CD82: variants seen among roughly 807,000 people sequenced by gnomAD.
The protein encoded by CD82 is CD82 molecule.
CD82 carries 36 observed loss-of-function variants against 37.4 expected under a neutral mutation model. The ratio of observed to expected loss-of-function variants is 0.96; its 90% CI spans 0.74 to 1.27. The LOEUF (loss-of-function observed/expected upper bound fraction) is 1.27. CD82 is among the 50% of genes most tolerant of loss of function. The probability of loss-of-function intolerance (pLI) is 0.00; values close to 1 mark genes in which losing one functional copy is unlikely to be tolerated. For missense variants in CD82, 340 were observed against 347.0 expected (o/e 0.98, Z 0.16); for synonymous variants, 158 against 137.4 (o/e 1.15, Z -1.05).
At chr11:44,589,241 G>A (rs6485547) in intron 2 of CD82, among the ~76,000 whole-genome samples, 112,919 of 152,154 alleles carry the variant, frequency 0.74, 42,287 homozygotes, top group East Asian at 0.92. Flanking sequence ...GGGTGACAGA[G>A]CAAGAGCAAG....
At chr11:44,569,846 C>G (rs764703115) in intron 1 of CD82, among the ~76,000 whole-genome samples, 3 of 152,164 alleles carry the variant, frequency 2.0e-5, no homozygotes, top group Admixed American at 1.3e-4. Context: ...CTACGTGACT[C>G]TTTCTGAGCC....
At chr11:44,588,019 G>C in intron 2 of CD82, 1 of 217,422 alleles carries the variant, frequency 4.6e-6, no homozygotes, top group Non-Finnish European at 9.5e-6. Context: ...TTTGTTGGGA[G>C]TCTGCCTTGT....
chr11:44,615,752 G>C (rs1853555341), intron 7 of CD82, among the ~76,000 whole-genome samples: 1 of 152,238 alleles, frequency 6.6e-6, no homozygotes, highest in Non-Finnish European at 1.5e-5. Flanking sequence ...AAGGGCACTA[G>C]CTGGGGAGGT....
intron 6 of CD82, among the ~76,000 whole-genome samples, chr11:44,611,098 G>A (rs1853474340): frequency 6.6e-6 from 1 of 152,204 alleles, no homozygotes; most frequent in Admixed American, 6.5e-5. Context: ...GCCTCCCAAA[G>A]TGTTGGGATT....
intron 2 of CD82, among the ~76,000 whole-genome samples, chr11:44,593,848 G>T (rs1451712039): frequency 1.3e-5 from 2 of 152,030 alleles, no homozygotes; most frequent in Non-Finnish European, 2.9e-5. Flanking sequence ...ATGTTAATAA[G>T]TACTAATAGG....
At chr11:44,606,733 C>A (rs1401261297) in intron 6 of CD82, 1 of 152,252 alleles carries the variant, frequency 6.6e-6, no homozygotes, top group Non-Finnish European at 1.5e-5. Flanking sequence ...AATGGCTCTG[C>A]AGGGTTTTAT....
At chr11:44,617,170 A>G (rs1853576248) in intron 7 of CD82, among the ~76,000 whole-genome samples, 1 of 152,156 alleles carries the variant, frequency 6.6e-6, no homozygotes, top group South Asian at 2.1e-4. Context: ...AACCCCCAGC[A>G]TTGCGGGGAT....
intron 1 of CD82, among the ~76,000 whole-genome samples, chr11:44,581,449 A>G (rs1852977754): frequency 6.6e-6 from 1 of 152,198 alleles, no homozygotes; most frequent in South Asian, 2.1e-4. Flanking sequence ...TCATGCAAAC[A>G]TGTTTGCGTT....
At chr11:44,591,923 G>T (rs566618624) in intron 2 of CD82, among the ~76,000 whole-genome samples, 1 of 152,052 alleles carries the variant, frequency 6.6e-6, no homozygotes, top group Non-Finnish European at 1.5e-5. Flanking sequence ...GGGTTCAAGC[G>T]ATTCTTGTGC....
rs933642553 is a variant in CD82, at chr11:44,597,195, C to G, written c.63+2470C>G. Among the ~76,000 whole-genome samples the G allele has an allele frequency of 6.6e-6, 1 of 152,224 alleles. No individual in the cohort carries two copies. The highest frequency in any genetic ancestry group is 1.5e-5 in the Non-Finnish European group (1 of 68,036). The stretch of plus-strand genomic sequence containing the variant: ...CCTGCGTGCATGTGCACCTGTATGT[C>G]TTTGCCTGTACTCCCTCTGGACTCC... On this transcript the variant is annotated intron_variant, in intron 3 of 9. Coordinates refer to ENST00000227155, the MANE Select transcript of CD82 (RefSeq NM_002231.4). This position sits in a 1 kb window ranked among gnomAD's most constrained non-coding sequence, Gnocchi z 4.1.
chr11:44,582,966 C>T (rs1401049724), intron 1 of CD82, among the ~76,000 whole-genome samples: 1 of 152,262 alleles, frequency 6.6e-6, no homozygotes, highest in East Asian at 1.9e-4. Flanking sequence ...AATCCCCTCC[C>T]TATCCCCCAA....
chr11:44,605,179 G>C lies in CD82; in HGVS notation c.258G>C (p.Gly86=), dbSNP rs35348953. The C allele has an allele frequency of 1.2e-6, 2 of 1,613,922 alleles. No individual in the cohort carries two copies. The highest frequency in any genetic ancestry group is 1.7e-6 in the Non-Finnish European group (2 of 1,179,964). Residue 86 remains glycine, a synonymous_variant, in exon 5 of 10, where the codon GGG becomes GGC. Transcript: ENST00000227155. The stretch of plus-strand genomic sequence containing the variant: ...TCAACGAGGTCCGCTGCCTGCTGGG[G>C]CTGGTGAGTACGGATCCCTCCGCAG... ...GAVNEVRCLL[G]LYFAFLLLIL... is the part of the protein sequence containing the mutation.
chr11:44,591,371 C>T (rs1398041997), intron 2 of CD82, among the ~76,000 whole-genome samples: 3 of 152,170 alleles, frequency 2.0e-5, no homozygotes, highest in East Asian at 1.9e-4. Flanking sequence ...AATCTGTGTG[C>T]GTGACCAAGG....
chr11:44,590,483 C>A (rs942780405), intron 2 of CD82, among the ~76,000 whole-genome samples: 2 of 151,068 alleles, frequency 1.3e-5, no homozygotes, highest in Non-Finnish European at 3.0e-5. Flanking sequence ...TGGTGGCGGG[C>A]GCCTGTAGTC....
At position 44,618,737 on chromosome 11, in the gene CD82, C is replaced by A; in HGVS notation, c.726+14C>A. The A allele has an allele frequency of 1.9e-6, 3 of 1,603,202 alleles. No homozygotes were observed. Among genetic ancestry groups the A allele is most frequent in the South Asian group, 1.1e-5 (1 of 90,706 alleles). On this transcript the variant is annotated intron_variant, in intron 9 of 9. Transcript: ENST00000227155. ...GCCATCATCGAGGTCTGAGCCCCCT[C>A]CCCCATCCCTTCTCCATCCCAGGTC... is the stretch of plus-strand genomic sequence containing the variant.
chr11:44,576,956 C>T (rs922613511), intron 1 of CD82, among the ~76,000 whole-genome samples: 8 of 152,150 alleles, frequency 5.3e-5, no homozygotes, highest in Non-Finnish European at 1.2e-4. Context: ...AGCCCAGCCC[C>T]TAAGACGGGA....
At chr11:44,600,404 G>A (rs1246097380) in intron 4 of CD82, among the ~76,000 whole-genome samples, 174 bp downstream of exon 4, 1 of 152,218 alleles carries the variant, frequency 6.6e-6, no homozygotes. Flanking sequence ...CCTCTGCAGG[G>A]GTTTCCAAAA....
chr11:44,569,650 C>G (rs180736618), intron 1 of CD82, among the ~76,000 whole-genome samples: 1 of 152,168 alleles, frequency 6.6e-6, no homozygotes, highest in African/African-American at 2.4e-5. Context: ...ACAACCCCAA[C>G]ACAGAGGAGC....
At chr11:44,582,825 A>G (rs1852999985) in intron 1 of CD82, among the ~76,000 whole-genome samples, 1 of 152,228 alleles carries the variant, frequency 6.6e-6, no homozygotes, top group African/African-American at 2.4e-5. Context: ...CCTTGAGAAC[A>G]GAGCCCTAGG....
Sources: gnomAD v4.1 joint callset for allele counts (sites outside exome capture counted in the v4.1 genomes callset) on GRCh38, gnomAD v4.1.1 for gene constraint, Gnocchi (gnomAD v3.1) non-coding constraint, MANE v1.5 for transcripts, NCBI Gene and HGNC (gene_info 2026-07-23, HGNC 2026-07-21) for gene names.